GTPBP10: variants seen among roughly 807,000 people sequenced by gnomAD.
GTPBP10 encodes the protein GTP-binding protein 10.
Under a neutral mutation model 44.8 loss-of-function variants are expected in GTPBP10, and 38 were observed. That is an observed-to-expected ratio of 0.85 (90% CI 0.65 to 1.11). The LOEUF is 1.11. Ranked by LOEUF, GTPBP10 falls within the 50% of genes most tolerant of loss-of-function variation. GTPBP10 has a pLI of 0.00. For synonymous variants in GTPBP10, 152 were observed against 150.6 expected (o/e 1.01, Z -0.07); for missense variants, 462 against 453.7 (o/e 1.02, Z -0.17).
Position 90,388,055 on chromosome 7 carries a change from A to C in GTPBP10, c.*2901A>C, listed in dbSNP as rs1055494371. ...TCAGTAGTGCCCAGGGTGCCACTCC[A>C]TGACTAACCGAAACATTTTATTATG... On this transcript the variant is annotated 3_prime_UTR_variant, in exon 10 of 10. Transcript: ENST00000222511. The C allele has an allele frequency of 6.6e-6, 1 of 152,198 alleles. No homozygotes were observed. The highest frequency in any genetic ancestry group is 1.5e-5 in the Non-Finnish European group (1 of 68,040). The allele number at this position is 152,198 out of a possible 1,614,324, so 9.4% of individuals were successfully genotyped here.
At chr7:90,366,765 G>A (rs1270589771) in intron 4 of GTPBP10, among the ~76,000 whole-genome samples, 1 of 149,742 alleles carries the variant, frequency 6.7e-6, no homozygotes, top group Non-Finnish European at 1.5e-5. Flanking sequence ...TTTTTGAAGG[G>A]TATTTTGTGT....
chr7:90,363,559 C>T (rs953744008), intron 4 of GTPBP10, among the ~76,000 whole-genome samples: 8 of 152,176 alleles, frequency 5.3e-5, no homozygotes, highest in African/African-American at 1.4e-4. Flanking sequence ...TCTCTGGCTG[C>T]CCTTAACATT....
At position 90,388,530 on chromosome 7, in the gene GTPBP10, C is replaced by T. The variant is rs551275539; in HGVS notation, c.*3376C>T. 1 of 151,972 alleles carries T rather than the reference C, an allele frequency of 6.6e-6. No individual in the cohort carries two copies. Among genetic ancestry groups the T allele is most frequent in the African/African-American group, 2.4e-5 (1 of 41,446 alleles). The allele number at this position is 151,972 out of a possible 1,614,324, so 9.4% of individuals were successfully genotyped here. On this transcript the variant is annotated 3_prime_UTR_variant, in exon 10 of 10. Transcript: ENST00000222511. ...TGCACACTGAAAAATTCCAAAATAC[C>T]TATTATGTTGTGCTTTTTGTGATAT...
At chr7:90,365,053 A>G (rs560350063) in intron 4 of GTPBP10, among the ~76,000 whole-genome samples, 13 of 152,246 alleles carry the variant, frequency 8.5e-5, no homozygotes, top group African/African-American at 2.9e-4. Flanking sequence ...TAGGAAAGGG[A>G]ATTCCCTGAC....
intron 4 of GTPBP10, among the ~76,000 whole-genome samples, chr7:90,365,368 CTTTTTTTTTT>C (rs59645149): frequency 0.11 from 9,636 of 90,732 alleles, 449 homozygotes; most frequent in South Asian, 0.23. Context: ...TTGGGGTTTT[CTTTTTTTTTT>C]TTTTTTTTTT....
intron 2 of GTPBP10, 121 bp from the exon 3 acceptor site, chr7:90,354,337 A>C (rs1795850842): frequency 2.2e-6 from 1 of 444,636 alleles, no homozygotes; most frequent in Non-Finnish European, 3.9e-6. Context: ...TTGACCATTT[A>C]ACATCTGCGT....
At chr7:90,354,408 GTATATA>G (rs549701437) in intron 2 of GTPBP10, 44 bp from the exon 3 acceptor site, 1 of 813,562 alleles carries the variant, frequency 1.2e-6, no homozygotes, top group South Asian at 2.0e-5. Flanking sequence ...GTGTGTGTGT[GTATATA>G]TACACACACA....
rs553671770 is a variant in GTPBP10, at chr7:90,382,820, T to G, written c.778-136T>G. 2.2e-5 allele frequency: 11 copies of G among 498,770 alleles called. No individual in the cohort carries two copies. In the South Asian group the frequency reaches 6.4e-4, roughly 29 times the overall value. The allele number at this position is 498,770 out of a possible 1,614,324, so 30.9% of individuals were successfully genotyped here. A position where few individuals can be genotyped will look rare whatever the true frequency, so the allele number is the denominator to read the frequency against. On this transcript the variant is annotated intron_variant, in intron 8 of 9. Coordinates refer to ENST00000222511, the MANE Select transcript of GTPBP10 (RefSeq NM_033107.4). ...AGTCATTTTCTGAAATTCTTCCTTTTGTTTTCTGTTGTTGGGATTTATTGC... is the reference window on the plus strand; with the variant it reads ...AGTCATTTTCTGAAATTCTTCCTTTGGTTTTCTGTTGTTGGGATTTATTGC...
chr7:90,391,015 C>A lies in GTPBP10; in HGVS notation c.*5861C>A, dbSNP rs376361082. 1 of 152,074 alleles carries A rather than the reference C, an allele frequency of 6.6e-6. No individual in the cohort carries two copies. Among genetic ancestry groups the A allele is most frequent in the African/African-American group, 2.4e-5 (1 of 41,412 alleles). The allele number at this position is 152,074 out of a possible 1,614,324, so 9.4% of individuals were successfully genotyped here. On this transcript the variant is annotated 3_prime_UTR_variant, in exon 10 of 10. Coordinates refer to ENST00000222511, the MANE Select transcript of GTPBP10 (RefSeq NM_033107.4). ...GATTAAATGACAGAGTAAATAAAAG[C>A]CCCTAGTCAAGTGAATTCTAATGGG...
chr7:90,381,651 C>T (rs907102454), intron 8 of GTPBP10, among the ~76,000 whole-genome samples: 2 of 152,184 alleles, frequency 1.3e-5, no homozygotes, highest in Non-Finnish European at 2.9e-5. Flanking sequence ...CTTCACACTA[C>T]CTAATTTCAA....
At chr7:90,346,806 T>A (rs1425375640) in intron 1 of GTPBP10, 32 bp downstream of exon 1, 2 of 1,607,474 alleles carry the variant, frequency 1.2e-6, no homozygotes, top group East Asian at 4.5e-5. Flanking sequence ...CTGGTCCCCT[T>A]AGCGCTGACA....
intron 4 of GTPBP10, among the ~76,000 whole-genome samples, chr7:90,365,880 G>C (rs543385279): frequency 6.6e-6 from 1 of 152,162 alleles, no homozygotes. Flanking sequence ...TTCTTATTCC[G>C]TATGAGATTG....
At chr7:90,370,375 C>G (rs1796234099) in intron 4 of GTPBP10, among the ~76,000 whole-genome samples, 1 of 151,812 alleles carries the variant, frequency 6.6e-6, no homozygotes, top group Non-Finnish European at 1.5e-5. Context: ...TATATACACA[C>G]ACACCATAGA....
chr7:90,391,214 G>T lies in GTPBP10; in HGVS notation c.*6060G>T, dbSNP rs1211679979. 7.9e-5 allele frequency: 12 copies of T among 152,070 alleles called. No individual in the cohort carries two copies. The highest frequency in any genetic ancestry group is 1.2e-4 in the Non-Finnish European group (8 of 68,002). The allele number at this position is 152,070 out of a possible 1,614,324, so 9.4% of individuals were successfully genotyped here. ...AACTCCCCCATGATTTCCTCATGTT[G>T]CTTAGAATAGTGTGTATTTCAGAAC... On this transcript the variant is annotated 3_prime_UTR_variant, in exon 10 of 10. Transcript: ENST00000222511.
chr7:90,365,926 G>C (rs2115691359), intron 4 of GTPBP10, among the ~76,000 whole-genome samples: 1 of 152,312 alleles, frequency 6.6e-6, no homozygotes, highest in South Asian at 2.1e-4. Flanking sequence ...TTAATATTTT[G>C]AGATACATTC....
At chr7:90,348,239 A>G (rs1399055130) in intron 1 of GTPBP10, among the ~76,000 whole-genome samples, 1 of 152,162 alleles carries the variant, frequency 6.6e-6, no homozygotes, top group Non-Finnish European at 1.5e-5. Flanking sequence ...AATAAAAGAT[A>G]CCAGAAGGGT....
At chr7:90,355,030 A>G (rs1349551950) in intron 3 of GTPBP10, 56 bp from the exon 4 acceptor site, 5 of 1,120,568 alleles carry the variant, frequency 4.5e-6, no homozygotes, top group African/African-American at 3.1e-5. Flanking sequence ...AATATATTGC[A>G]TTAGTGATTT....
intron 1 of GTPBP10, among the ~76,000 whole-genome samples, chr7:90,351,845 G>A (rs901764190): frequency 3.3e-5 from 5 of 152,070 alleles, no homozygotes; most frequent in South Asian, 2.1e-4. Flanking sequence ...ACAGGCGCCC[G>A]CCACCACGCC....
intron 2 of GTPBP10, chr7:90,353,228 A>C (rs17865362): frequency 2.6e-6 from 1 of 387,742 alleles, no homozygotes; most frequent in Non-Finnish European, 4.6e-6. Flanking sequence ...CCCAATGTCT[A>C]TCTGTATTCT....
Sources: gnomAD v4.1 joint callset for allele counts (sites outside exome capture counted in the v4.1 genomes callset) on GRCh38, gnomAD v4.1.1 for gene constraint, MANE v1.5 for transcripts, NCBI Gene and HGNC (gene_info 2026-07-23, HGNC 2026-07-21) for gene names.